Variants in MAPKAP1 observed in about 807,000 individuals in gnomAD.
MAPKAP1 encodes target of rapamycin complex 2 subunit MAPKAP1.
MAPKAP1 carries 20 observed loss-of-function variants against 65.7 expected under a neutral mutation model. That is an observed-to-expected ratio of 0.30 (90% confidence interval 0.21 to 0.44). The LOEUF (loss-of-function observed/expected upper bound fraction) is 0.44. MAPKAP1 is among the 20% of genes least tolerant of loss of function. The pLI is 1.00. For synonymous variants in MAPKAP1, 222 were observed against 244.3 expected (o/e 0.91, Z 0.85); for missense variants, 423 against 648.0 (o/e 0.65, Z 3.77).
intron 10 of MAPKAP1, 144 bp downstream of exon 10, chr9:125,467,828 G>T: frequency 2.2e-6 from 2 of 904,422 alleles, no homozygotes; most frequent in Non-Finnish European, 1.7e-6. Flanking sequence ...AATCCCGTTT[G>T]ATTAAAAGAA....
intron 7 of MAPKAP1, among the ~76,000 whole-genome samples, chr9:125,533,267 C>T (rs956181240): frequency 1.3e-5 from 2 of 150,272 alleles, no homozygotes; most frequent in Non-Finnish European, 3.0e-5. Flanking sequence ...GATAAAATGG[C>T]TAATAAATAC....
At chr9:125,645,408 T>A (rs913554341) in intron 4 of MAPKAP1, among the ~76,000 whole-genome samples, 1 of 152,100 alleles carries the variant, frequency 6.6e-6, no homozygotes, top group Non-Finnish European at 1.5e-5. Context: ...ATGACAAACA[T>A]AGATTTTTCT....
intron 8 of MAPKAP1, among the ~76,000 whole-genome samples, chr9:125,496,142 G>A (rs1426201441): frequency 1.3e-5 from 2 of 152,216 alleles, no homozygotes; most frequent in Non-Finnish European, 2.9e-5. Flanking sequence ...CTTGTACAAG[G>A]TTACACAGTG....
intron 4 of MAPKAP1, among the ~76,000 whole-genome samples, chr9:125,651,127 C>G (rs747738003): frequency 6.6e-6 from 1 of 152,036 alleles, no homozygotes; most frequent in Non-Finnish European, 1.5e-5. Context: ...CCACTGTGCC[C>G]GGCGATCCTT....
chr9:125,488,321 GA>G (rs756635948), intron 8 of MAPKAP1, among the ~76,000 whole-genome samples: 5 of 152,256 alleles, frequency 3.3e-5, no homozygotes, highest in Non-Finnish European at 5.9e-5. Context: ...GTTATCTGAT[GA>G]ATGGGATCAA....
intron 4 of MAPKAP1, among the ~76,000 whole-genome samples, chr9:125,634,221 G>A (rs1199277209): frequency 5.9e-5 from 9 of 152,316 alleles, no homozygotes; most frequent in Admixed American, 5.2e-4. Context: ...CCGTAGGTGT[G>A]ATTACTGCCA....
rs145191351 is a variant in MAPKAP1 at position 125,494,312 on chromosome 9, C to T, written c.1067-9729G>A. On this transcript the variant is annotated intron_variant, in intron 8 of 11. Coordinates refer to ENST00000265960, the MANE Select transcript of MAPKAP1 (RefSeq NM_001006617.3). Reference sequence around the variant, plus strand: ...AACACACACACACGTTCATGCCCCCCGCCTGCCCACCGCTCTGCAGTAATC... The same window carrying T: ...AACACACACACACGTTCATGCCCCCTGCCTGCCCACCGCTCTGCAGTAATC... 7.1e-3 allele frequency among the ~76,000 whole-genome samples: 1,085 copies of T among 152,240 alleles called. 13 individuals carry two copies. The highest frequency in any genetic ancestry group is 0.025 in the African/African-American group (1,039 of 41,530).
intron 6 of MAPKAP1, among the ~76,000 whole-genome samples, chr9:125,554,305 G>C (rs1830671538): frequency 6.6e-6 from 1 of 152,136 alleles, no homozygotes; most frequent in Non-Finnish European, 1.5e-5. Flanking sequence ...CAGTCAGGCA[G>C]AGCCCACTTA....
At chr9:125,547,409 G>A (rs896024242) in intron 6 of MAPKAP1, among the ~76,000 whole-genome samples, 1 of 152,176 alleles carries the variant, frequency 6.6e-6, no homozygotes, top group Non-Finnish European at 1.5e-5. Flanking sequence ...CGTGGCTAAC[G>A]GAGATGTTGC....
At chr9:125,638,673 CTCAATCA>C (rs1833492247) in intron 4 of MAPKAP1, among the ~76,000 whole-genome samples, 1 of 152,210 alleles carries the variant, frequency 6.6e-6, no homozygotes, top group African/African-American at 2.4e-5. Flanking sequence ...ACTCATGTCC[CTCAATCA>C]TTCGGGCCTG....
At chr9:125,596,027 G>C (rs1330250619) in intron 4 of MAPKAP1, 10 of 1,480,782 alleles carry the variant, frequency 6.8e-6, no homozygotes, top group Non-Finnish European at 9.3e-7. Context: ...AACATCACCT[G>C]CGAGATTATT....
At chr9:125,564,774 G>A (rs533693630) in intron 5 of MAPKAP1, among the ~76,000 whole-genome samples, 8 of 152,294 alleles carry the variant, frequency 5.3e-5, no homozygotes, top group Admixed American at 1.3e-4. Flanking sequence ...TTCTGATTAC[G>A]CAGAAGCTGG....
intron 2 of MAPKAP1, among the ~76,000 whole-genome samples, chr9:125,671,266 AT>A (rs1834489931): frequency 6.6e-6 from 1 of 152,226 alleles, no homozygotes; most frequent in African/African-American, 2.4e-5. Flanking sequence ...GGGAAATGCT[AT>A]TAATTATTTT....
chr9:125,694,563 A>C (rs924480204), intron 1 of MAPKAP1, among the ~76,000 whole-genome samples: 1 of 152,210 alleles, frequency 6.6e-6, no homozygotes, highest in Non-Finnish European at 1.5e-5. Context: ...TGCAAATTAC[A>C]AACACTACAG....
chr9:125,438,003 A>G lies in MAPKAP1; in HGVS notation c.*884T>C, dbSNP rs1298275072. 2 of 192,636 alleles carry G rather than the reference A, an allele frequency of 1.0e-5. No homozygotes were observed. The highest frequency in any genetic ancestry group is 4.6e-5 in the African/African-American group (2 of 43,224). The allele number at this position is 192,636 out of a possible 1,614,324, so 11.9% of individuals were successfully genotyped here. On this transcript the variant is annotated 3_prime_UTR_variant, in exon 12 of 12. Transcript: ENST00000265960. The stretch of plus-strand genomic sequence containing the variant: ...AGGAGGCAGGCGCTGTAAGGAGAAG[A>G]GGAATGGGGAATGTGGCCCCTTCCA...
rs1011727848 is a variant in MAPKAP1 at position 125,447,652 on chromosome 9, T to C, written c.1346-3054A>G. ...CTCAGTCTGGGCTCTGCCAGGAGCA[T>C]GGGCTAGAGCAAAGGACAGAGAAAT... On this transcript the variant is annotated intron_variant, in intron 10 of 11. Transcript: ENST00000265960. This position sits in a 1 kb window ranked among gnomAD's most constrained non-coding sequence, Gnocchi z 4.5. 2.0e-5 allele frequency among the ~76,000 whole-genome samples: 3 copies of C among 152,038 alleles called. No individual in the cohort carries two copies. The highest frequency in any genetic ancestry group is 4.8e-5 in the African/African-American group (2 of 41,398).
At chr9:125,515,092 T>G (rs1829422234) in intron 7 of MAPKAP1, among the ~76,000 whole-genome samples, 1 of 152,056 alleles carries the variant, frequency 6.6e-6, no homozygotes, top group South Asian at 2.1e-4. Flanking sequence ...GTTTGGAATT[T>G]AAATAATAAA....
chr9:125,635,724 A>G (rs1833404152), intron 4 of MAPKAP1, among the ~76,000 whole-genome samples: 1 of 152,244 alleles, frequency 6.6e-6, no homozygotes, highest in South Asian at 2.1e-4. Flanking sequence ...ATGATTTTGC[A>G]TCTATGGCTT....
At chr9:125,619,740 A>G (rs901467115) in intron 4 of MAPKAP1, among the ~76,000 whole-genome samples, 17 of 152,080 alleles carry the variant, frequency 1.1e-4, no homozygotes, top group Admixed American at 7.9e-4. Flanking sequence ...ATTTCTCCAC[A>G]TTGATTAATT....
Sources: gnomAD v4.1 joint callset for allele counts (sites outside exome capture counted in the v4.1 genomes callset) on GRCh38, gnomAD v4.1.1 for gene constraint, Gnocchi (gnomAD v3.1) non-coding constraint, MANE v1.5 for transcripts, NCBI Gene and HGNC (gene_info 2026-07-23, HGNC 2026-07-21) for gene names.